Variants in AEBP2 observed in about 807,000 individuals in gnomAD.
The protein encoded by AEBP2 is AE binding protein 2.
In AEBP2, 10 loss-of-function variants were observed where a neutral mutation model predicts 50.8. The ratio of observed to expected loss-of-function variants is 0.20; its 90% CI spans 0.12 to 0.33. The LOEUF (loss-of-function observed/expected upper bound fraction) is 0.33. AEBP2 is among the 10% of genes least tolerant of loss of function. The pLI is 1.00. For missense variants in AEBP2, 570 were observed against 688.0 expected (o/e 0.83, Z 1.92); for synonymous variants, 296 against 261.3 (o/e 1.13, Z -1.28).
intron 1 of AEBP2, among the ~76,000 whole-genome samples, chr12:19,433,508 G>T (rs1158604738): frequency 6.6e-6 from 1 of 151,458 alleles, no homozygotes; most frequent in Non-Finnish European, 1.5e-5. Context: ...GGCCAGGCAC[G>T]GTGGTTCATG....
chr12:19,508,110 T>C (rs916261118), intron 5 of AEBP2, among the ~76,000 whole-genome samples: 1 of 152,190 alleles, frequency 6.6e-6, no homozygotes. Flanking sequence ...ATTGTAGAGG[T>C]ATTTTGTTTT....
At chr12:19,440,519 C>A in intron 1 of AEBP2, 149 bp downstream of exon 1, 1 of 1,387,148 alleles carries the variant, frequency 7.2e-7, no homozygotes. Flanking sequence ...AATCTCTCGC[C>A]GTCGCCGCCG....
chr12:19,455,791 AG>A (rs1456588280), intron 1 of AEBP2, among the ~76,000 whole-genome samples: 1 of 152,216 alleles, frequency 6.6e-6, no homozygotes, highest in African/African-American at 2.4e-5. Context: ...AAAATATCTC[AG>A]GTTGCTCCCT....
rs1949385851 is a variant in AEBP2, at chr12:19,520,781, G to A, written c.*2664G>A. The A allele has an allele frequency of 6.6e-6, 1 of 152,114 alleles. No homozygotes were observed. 9.4% of individuals were successfully genotyped at this position (152,114 alleles called of 1,614,324 possible). On this transcript the variant is annotated 3_prime_UTR_variant, in exon 8 of 8. Coordinates refer to ENST00000266508, the MANE Select transcript of AEBP2 (RefSeq NM_153207.5). ...TGCAAGCCCCCAATTTTTACTACAG[G>A]TTGGCAATCCCTAATCCAAAAATCT...
intron 2 of AEBP2, among the ~76,000 whole-genome samples, chr12:19,468,154 G>GTA: frequency 6.7e-6 from 1 of 149,658 alleles, no homozygotes; most frequent in South Asian, 2.1e-4. Context: ...GTGTGTGTGT[G>GTA]TGTATGTGTT....
chr12:19,516,989 A>G (rs902418311), intron 7 of AEBP2, among the ~76,000 whole-genome samples: 21 of 152,168 alleles, frequency 1.4e-4, no homozygotes, highest in African/African-American at 4.8e-4. Flanking sequence ...ATCACGTCCT[A>G]CACTCCAGCC....
intron 3 of AEBP2, among the ~76,000 whole-genome samples, chr12:19,477,656 C>G (rs1948668964): frequency 6.6e-6 from 1 of 152,148 alleles, no homozygotes; most frequent in Non-Finnish European, 1.5e-5. Flanking sequence ...GGTGGATTAT[C>G]TTTTTGATAG....
intron 1 of AEBP2, among the ~76,000 whole-genome samples, chr12:19,461,419 A>T (rs1948375790): frequency 6.6e-6 from 1 of 152,216 alleles, no homozygotes; most frequent in Non-Finnish European, 1.5e-5. Flanking sequence ...TAAATAAAAG[A>T]GTTACTACTG....
At chr12:19,512,488 C>A in intron 6 of AEBP2, 23 bp downstream of exon 6, 2 of 1,418,278 alleles carry the variant, frequency 1.4e-6, no homozygotes, top group Non-Finnish European at 1.9e-6. Flanking sequence ...AATATTATGC[C>A]TTAGTAATAA....
chr12:19,484,581 G>A (rs1311289440), intron 3 of AEBP2, among the ~76,000 whole-genome samples: 3 of 151,932 alleles, frequency 2.0e-5, no homozygotes, highest in Non-Finnish European at 2.9e-5. Flanking sequence ...CACCATGTTG[G>A]CCAGGATGGT....
chr12:19,423,063 T>TTAA (rs2095746637), intron 1 of AEBP2, among the ~76,000 whole-genome samples: 4 of 3,794 alleles, frequency 1.1e-3, no homozygotes, highest in Non-Finnish European at 2.5e-3. Flanking sequence ...AGACTCTGTC[T>TTAA]CAAAAAAAAA....
intron 3 of AEBP2, among the ~76,000 whole-genome samples, chr12:19,477,264 A>G (rs541007120): frequency 1.3e-5 from 2 of 152,186 alleles, no homozygotes; most frequent in South Asian, 2.1e-4. Context: ...CGACAGTTTT[A>G]TTTCCTCTTA....
chr12:19,508,730 A>G (rs182136578), intron 5 of AEBP2, among the ~76,000 whole-genome samples: 54 of 152,336 alleles, frequency 3.5e-4, no homozygotes, highest in African/African-American at 1.0e-3. Context: ...CCTACCTTTC[A>G]TTTAAAATAA....
intron 1 of AEBP2, among the ~76,000 whole-genome samples, chr12:19,407,159 G>A (rs1356301764): frequency 6.6e-6 from 1 of 151,976 alleles, no homozygotes; most frequent in Admixed American, 6.6e-5. Context: ...GAATTAGCCT[G>A]GCATGGTGCA....
chr12:19,450,948 TC>T (rs2153367989), intron 1 of AEBP2, among the ~76,000 whole-genome samples: 1 of 151,552 alleles, frequency 6.6e-6, no homozygotes, highest in African/African-American at 2.4e-5. Context: ...AATCAGTAAT[TC>T]ATTCAAGTTT....
chr12:19,457,988 T>A (rs948376259), intron 1 of AEBP2, among the ~76,000 whole-genome samples: 4 of 152,220 alleles, frequency 2.6e-5, no homozygotes, highest in African/African-American at 9.6e-5. Context: ...GTATAGGTCT[T>A]CACATTTCAT....
chr12:19,439,271 T>TA (rs1348906078), upstream of AEBP2, among the ~76,000 whole-genome samples: 1 of 151,998 alleles, frequency 6.6e-6, no homozygotes, highest in Non-Finnish European at 1.5e-5. Context: ...GGAAGGCTGC[T>TA]AAAATCCCCG....
intron 4 of AEBP2, among the ~76,000 whole-genome samples, chr12:19,498,295 C>T (rs1949017546): frequency 6.6e-6 from 1 of 152,152 alleles, no homozygotes; most frequent in Non-Finnish European, 1.5e-5. Context: ...CTCTCCCTTG[C>T]TCACCCCTGG....
rs555034939 is a variant in AEBP2 at position 19,518,864 on chromosome 12, A to G, written c.*747A>G. Reference sequence around the variant, plus strand: ...ACAGTATGTTAATATTTACCTATATAACTAATCTGTTAACGGTTTTTGAAA... The same window carrying G: ...ACAGTATGTTAATATTTACCTATATGACTAATCTGTTAACGGTTTTTGAAA... On this transcript the variant is annotated 3_prime_UTR_variant, in exon 8 of 8. Transcript: ENST00000266508. 10 of 497,460 alleles carry G rather than the reference A, an allele frequency of 2.0e-5. No individual in the cohort carries two copies. Among genetic ancestry groups the G allele is most frequent in the African/African-American group, 2.0e-4 (10 of 50,402 alleles). 30.8% of individuals were successfully genotyped at this position (497,460 alleles called of 1,614,324 possible).
Sources: gnomAD v4.1 joint callset for allele counts (sites outside exome capture counted in the v4.1 genomes callset) on GRCh38, gnomAD v4.1.1 for gene constraint, MANE v1.5 for transcripts, NCBI Gene and HGNC (gene_info 2026-07-23, HGNC 2026-07-21) for gene names.